MTDH: variants seen among roughly 807,000 people sequenced by gnomAD.
The protein encoded by MTDH is metadherin, also known as protein LYRIC.
In MTDH, 34 loss-of-function variants were observed where a neutral mutation model predicts 72.7. The ratio of observed to expected loss-of-function variants is 0.47; its 90% CI spans 0.36 to 0.62. The LOEUF is 0.62. Among genes scored for constraint, MTDH ranks in the 20% least tolerant of loss-of-function variants. MTDH has a pLI of 0.00. For missense variants in MTDH, 677 were observed against 699.4 expected, an observed-to-expected ratio of 0.97 and a Z score of 0.36; for synonymous variants, 266 against 268.9, an observed-to-expected ratio of 0.99 and a Z score of 0.10.
chr8:97,694,150 T>C (rs1046984452), intron 6 of MTDH, among the ~76,000 whole-genome samples: 2 of 152,142 alleles, frequency 1.3e-5, no homozygotes, highest in Admixed American at 6.5e-5. Flanking sequence ...TTAGTTTTAG[T>C]ATGTAAGTAG....
chr8:97,723,070 T>C, intron 11 of MTDH, 35 bp downstream of exon 11: 1 of 1,591,416 alleles, frequency 6.3e-7, no homozygotes, highest in Non-Finnish European at 8.6e-7. Flanking sequence ...CTTTGTACTG[T>C]TTACATTTTT....
chr8:97,673,662 G>A (rs751296867), intron 2 of MTDH, among the ~76,000 whole-genome samples: 2 of 148,460 alleles, frequency 1.3e-5, no homozygotes, highest in Admixed American at 6.8e-5. Flanking sequence ...CTCTGTCTTG[G>A]GCGGGGCGGG....
Position 97,683,045 on chromosome 8 carries a change from C to CTTTTTTTTTTT in MTDH, c.484-3596_484-3586dup, listed in dbSNP as rs71271144. On this transcript the variant is annotated intron_variant, in intron 2 of 11. Transcript: ENST00000336273. Reference sequence around the variant, plus strand: ...CTTTACCCTATGATGCTCTTAGACACTTTTTTTTTTTTTTTTTTTTTTTTT... The same window carrying CTTTTTTTTTTT: ...CTTTACCCTATGATGCTCTTAGACACTTTTTTTTTTTTTTTTTTTTTTTTTTTTTTTTTTTT... Among the ~76,000 whole-genome samples, 33 of 44,386 alleles carry CTTTTTTTTTTT rather than the reference C, an allele frequency of 7.4e-4. 12 individuals carry two copies. The highest frequency in any genetic ancestry group is 2.0e-3 in the East Asian group (2 of 1,000). The allele number at this position is 44,386 out of a possible 152,430, so 29.1% of individuals were successfully genotyped here.
intron 1 of MTDH, among the ~76,000 whole-genome samples, chr8:97,654,163 A>G (rs1015151858): frequency 3.9e-5 from 6 of 152,228 alleles, no homozygotes; most frequent in African/African-American, 1.4e-4. Flanking sequence ...ATCTCAGTAT[A>G]TAGTGAGATT....
At chr8:97,691,604 A>G (rs1019685785) in intron 6 of MTDH, among the ~76,000 whole-genome samples, 1 of 152,098 alleles carries the variant, frequency 6.6e-6, no homozygotes, top group Non-Finnish European at 1.5e-5. Context: ...TTATAATTAA[A>G]TTTTCCTCCG....
intron 7 of MTDH, among the ~76,000 whole-genome samples, chr8:97,700,137 C>T (rs1286393757): frequency 1.3e-5 from 2 of 151,950 alleles, no homozygotes; most frequent in East Asian, 3.8e-4. Flanking sequence ...TCTGTTTCTC[C>T]TCCTAGGTAG....
intron 3 of MTDH, 132 bp from the exon 4 acceptor site, chr8:97,687,295 AAC>A (rs1339307942): frequency 1.9e-5 from 12 of 639,008 alleles, no homozygotes; most frequent in Non-Finnish European, 2.7e-5. Context: ...TAATATAATC[AAC>A]ACTCTTGGTT....
In MTDH at chr8:97,690,179, C is replaced by T. The variant is rs369518654; in HGVS notation, c.812-773C>T. ...GCTAATTTTGTGTTTTTAGTAGAGG[C>T]AGGGTTTCACCATGTTGGCCAGGCT... is the stretch of plus-strand genomic sequence containing the variant. On this transcript the variant is annotated intron_variant, in intron 5 of 11. Transcript: ENST00000336273. 7.9e-5 allele frequency among the ~76,000 whole-genome samples: 12 copies of T among 151,042 alleles called. No individual in the cohort carries two copies. The East Asian group carries it at 1.4e-3, about 17-fold the overall frequency.
chr8:97,652,472 C>A lies in MTDH; in HGVS notation c.381+7585C>A, dbSNP rs530567283. On this transcript the variant is annotated intron_variant, in intron 1 of 11. Coordinates refer to ENST00000336273, the MANE Select transcript of MTDH (RefSeq NM_178812.4). ...ATCCCTTTCTATTTTCTGTCTCAAC[C>A]CCTTAGATGTTTCCTTCATAGTGGT... 2.0e-5 allele frequency among the ~76,000 whole-genome samples: 3 copies of A among 152,282 alleles called. No homozygotes were observed. The South Asian group carries it at 6.2e-4, about 32-fold the overall frequency.
At chr8:97,647,538 G>A (rs1327560317) in intron 1 of MTDH, among the ~76,000 whole-genome samples, 1 of 152,112 alleles carries the variant, frequency 6.6e-6, no homozygotes, top group Non-Finnish European at 1.5e-5. Context: ...AAAAAAAGGG[G>A]GGAAGGGAGG....
intron 2 of MTDH, among the ~76,000 whole-genome samples, chr8:97,666,956 C>A (rs1480940787): frequency 6.6e-6 from 1 of 152,124 alleles, no homozygotes; most frequent in Non-Finnish European, 1.5e-5. Context: ...CTCCGCCTCC[C>A]AAAGTGCTGG....
Position 97,683,533 on chromosome 8 carries a change from C to T in MTDH, c.484-3135C>T, listed in dbSNP as rs1243393711. On this transcript the variant is annotated intron_variant, in intron 2 of 11. Coordinates refer to ENST00000336273, the MANE Select transcript of MTDH (RefSeq NM_178812.4). ...ACCTCAGCCTCCCAAGTAGCTGGAA[C>T]CACAGTTGCATGCCGCCACCCCCAC... is the stretch of plus-strand genomic sequence containing the variant. Among the ~76,000 whole-genome samples, 7 of 151,680 alleles carry T rather than the reference C, an allele frequency of 4.6e-5. No individual in the cohort carries two copies. In the East Asian group the frequency reaches 1.4e-3, roughly 30 times the overall value.
At chr8:97,684,750 C>T (rs1813289170) in intron 2 of MTDH, among the ~76,000 whole-genome samples, 1 of 152,152 alleles carries the variant, frequency 6.6e-6, no homozygotes, top group African/African-American at 2.4e-5. Flanking sequence ...AAACGCTAAT[C>T]ATTACAGAGT....
intron 9 of MTDH, among the ~76,000 whole-genome samples, chr8:97,716,068 A>C (rs779759538): frequency 6.6e-6 from 1 of 152,126 alleles, no homozygotes; most frequent in East Asian, 1.9e-4. Flanking sequence ...TTCTATGCTG[A>C]GTACATAGCA....
At chr8:97,675,499 G>A (rs1812798335) in intron 2 of MTDH, among the ~76,000 whole-genome samples, 1 of 150,420 alleles carries the variant, frequency 6.6e-6, no homozygotes, top group Non-Finnish European at 1.5e-5. Flanking sequence ...GGTGGAGGTT[G>A]CAGTGAGACG....
chr8:97,689,734 T>TTTCA (rs1813509617), intron 5 of MTDH, among the ~76,000 whole-genome samples: 1 of 149,828 alleles, frequency 6.7e-6, no homozygotes, highest in South Asian at 2.1e-4. Context: ...GGAAATGGAA[T>TTTCA]TTCACCCTTG....
chr8:97,677,223 GTGGCTC>G (rs1289836896), intron 2 of MTDH, among the ~76,000 whole-genome samples: 2 of 120,846 alleles, frequency 1.7e-5, no homozygotes, highest in Non-Finnish European at 3.3e-5. Context: ...GCCGGGCGCA[GTGGCTC>G]ATGCCTGTAA....
intron 1 of MTDH, among the ~76,000 whole-genome samples, chr8:97,657,542 T>C (rs1812026232): frequency 6.6e-6 from 1 of 152,116 alleles, no homozygotes; most frequent in African/African-American, 2.4e-5. Context: ...CTCACTTTTT[T>C]GCCCAGGCTA....
chr8:97,721,655 TCTA>T (rs1815131509), intron 10 of MTDH, among the ~76,000 whole-genome samples: 3 of 152,196 alleles, frequency 2.0e-5, no homozygotes, highest in Admixed American at 2.0e-4. Flanking sequence ...GGTGAAATGA[TCTA>T]CTCATCTCTC....
Sources: gnomAD v4.1 joint callset for allele counts (sites outside exome capture counted in the v4.1 genomes callset) on GRCh38, gnomAD v4.1.1 for gene constraint, MANE v1.5 for transcripts, NCBI Gene and HGNC (gene_info 2026-07-23, HGNC 2026-07-21) for gene names.